Variants in COTL1 observed in about 807,000 individuals in gnomAD.
The protein encoded by COTL1 is coactosin like F-actin binding protein 1, also known as coactosin-like protein.
A neutral mutation model predicts 16.5 loss-of-function variants in COTL1; 15 were observed. The observed-to-expected ratio is 0.91, with a 90% CI of 0.61 to 1.40. The LOEUF (loss-of-function observed/expected upper bound fraction) is 1.40. Among genes scored for constraint, COTL1 ranks in the 40% most tolerant of loss-of-function variants. COTL1 has a pLI of 0.00. For missense variants in COTL1, 220 were observed against 201.5 expected (o/e 1.09, Z -0.56); for synonymous variants, 112 against 85.3 (o/e 1.31, Z -1.73).
chr16:84,600,391 C>G (rs1905084646), intron 2 of COTL1, among the ~76,000 whole-genome samples: 2 of 149,542 alleles, frequency 1.3e-5, no homozygotes, highest in Non-Finnish European at 3.0e-5. Context: ...CAGCTTACTG[C>G]AACCTCCGCC....
chr16:84,617,598 A>G lies in COTL1; in HGVS notation c.78-15T>C. The G allele has an allele frequency of 6.4e-7, 1 of 1,552,264 alleles. No individual in the cohort carries two copies. The highest frequency in any genetic ancestry group is 8.7e-7 in the Non-Finnish European group (1 of 1,147,012). ...TAAAAGTCACCCTTTGGGTTGGGAGAAGAAAAAAACACACACACACATCAG... is the reference window on the plus strand; with the variant it reads ...TAAAAGTCACCCTTTGGGTTGGGAGGAGAAAAAAACACACACACACATCAG... On this transcript the variant is annotated splice_polypyrimidine_tract_variant and intron_variant, in intron 1 of 3. Transcript: ENST00000262428.
intron 3 of COTL1, among the ~76,000 whole-genome samples, chr16:84,573,817 T>C (rs531796469): frequency 2.0e-5 from 3 of 151,436 alleles, no homozygotes; most frequent in Non-Finnish European, 4.4e-5. Context: ...ATTCCGAAGA[T>C]CTCTGCGTTT....
At chr16:84,574,610 G>C (rs1904410570) in intron 3 of COTL1, among the ~76,000 whole-genome samples, 1 of 152,164 alleles carries the variant, frequency 6.6e-6, no homozygotes, top group Non-Finnish European at 1.5e-5. Flanking sequence ...TTCTGAGACG[G>C]ACTCTCACTC....
intron 2 of COTL1, among the ~76,000 whole-genome samples, chr16:84,605,801 A>C (rs1204032982): frequency 6.6e-6 from 1 of 152,242 alleles, no homozygotes; most frequent in African/African-American, 2.4e-5. Flanking sequence ...GACTTGCAGA[A>C]CTATAAGATG....
chr16:84,588,092 A>G (rs1297133547), intron 3 of COTL1, among the ~76,000 whole-genome samples: 1 of 152,070 alleles, frequency 6.6e-6, no homozygotes, highest in Non-Finnish European at 1.5e-5. Flanking sequence ...TTTTTAAATA[A>G]AAGTTTTATT....
chr16:84,599,754 C>T (rs78280050), intron 2 of COTL1, among the ~76,000 whole-genome samples: 2,383 of 152,212 alleles, frequency 0.016, 26 homozygotes, highest in Non-Finnish European at 0.023. Context: ...TATGCAAACA[C>T]GGCTCAGGAA....
intron 3 of COTL1, chr16:84,568,658 T>TTATC (rs1215760345): frequency 6.6e-6 from 1 of 152,000 alleles, no homozygotes; most frequent in Non-Finnish European, 1.5e-5. Flanking sequence ...GAACAGGAAA[T>TTATC]GATAGAGACG....
intron 3 of COTL1, among the ~76,000 whole-genome samples, chr16:84,585,686 A>T (rs753702142): frequency 1.3e-5 from 2 of 152,202 alleles, no homozygotes; most frequent in African/African-American, 2.4e-5. Context: ...TAGGCATGCC[A>T]GTCTCTGCAT....
intron 3 of COTL1, among the ~76,000 whole-genome samples, chr16:84,581,154 C>T (rs1377747254): frequency 8.9e-4 from 67 of 75,416 alleles, no homozygotes; most frequent in African/African-American, 4.5e-3. Flanking sequence ...AACAAACAAA[C>T]AAACAAATAA....
chr16:84,569,319 CAAAA>C (rs903594404), intron 3 of COTL1, among the ~76,000 whole-genome samples: 38 of 151,904 alleles, frequency 2.5e-4, no homozygotes, highest in Admixed American at 2.1e-3. Flanking sequence ...AGATCTGTCT[CAAAA>C]TAAATAAATA....
chr16:84,612,770 A>G (rs987143347), intron 2 of COTL1, among the ~76,000 whole-genome samples: 12 of 152,118 alleles, frequency 7.9e-5, no homozygotes, highest in African/African-American at 2.7e-4. Flanking sequence ...AAAAAAAGAA[A>G]AGCAGTGGTA....
In COTL1 at chr16:84,566,969, G is replaced by A; in HGVS notation, c.319-14C>T. 1 of 1,579,126 alleles carries A rather than the reference G, an allele frequency of 6.3e-7. No homozygotes were observed. Among genetic ancestry groups the A allele is most frequent in the Non-Finnish European group, 8.7e-7 (1 of 1,148,372 alleles). Reference sequence around the variant, plus strand: ...CTTAGCGAAATTCTGCAAGAACAAAGGAAAACACAGCGTTCCTATTAAGAA... The same window carrying A: ...CTTAGCGAAATTCTGCAAGAACAAAAGAAAACACAGCGTTCCTATTAAGAA... On this transcript the variant is annotated splice_polypyrimidine_tract_variant and intron_variant, in intron 3 of 3. Transcript: ENST00000262428.
chr16:84,613,366 G>A (rs1019315730), intron 2 of COTL1, among the ~76,000 whole-genome samples: 3 of 152,206 alleles, frequency 2.0e-5, no homozygotes, highest in Non-Finnish European at 2.9e-5. Context: ...TAAGCTAGGT[G>A]GGTGGCTGAG....
At chr16:84,604,465 C>G (rs529085276) in intron 2 of COTL1, among the ~76,000 whole-genome samples, 2 of 151,900 alleles carry the variant, frequency 1.3e-5, no homozygotes, top group East Asian at 3.9e-4. Context: ...GTGGACATTT[C>G]AGTGGGTTTC....
intron 3 of COTL1, among the ~76,000 whole-genome samples, chr16:84,579,396 G>A (rs1225767859): frequency 6.6e-6 from 1 of 152,216 alleles, no homozygotes; most frequent in Non-Finnish European, 1.5e-5. Context: ...GCTGAGGCAG[G>A]AGAATCACTT....
chr16:84,597,285 G>A lies in COTL1; in HGVS notation c.161-7023C>T, dbSNP rs558686582. Among the ~76,000 whole-genome samples, 4 of 152,330 alleles carry A rather than the reference G, an allele frequency of 2.6e-5. No homozygotes were observed. The East Asian group carries it at 7.7e-4, about 29-fold the overall frequency. On this transcript the variant is annotated intron_variant, in intron 2 of 3. Coordinates refer to ENST00000262428, the MANE Select transcript of COTL1 (RefSeq NM_021149.5). ...TATGAGGGGCCAGTCCCCACTCTAAGAATCTGCACACTGCAGATTCTTCTC... is the reference window on the plus strand; with the variant it reads ...TATGAGGGGCCAGTCCCCACTCTAAAAATCTGCACACTGCAGATTCTTCTC...
chr16:84,608,138 G>C (rs898154249), intron 2 of COTL1, among the ~76,000 whole-genome samples: 1 of 151,994 alleles, frequency 6.6e-6, no homozygotes. Flanking sequence ...CCTAGACATA[G>C]AGCTCCATGC....
At chr16:84,605,980 C>A (rs1905204003) in intron 2 of COTL1, among the ~76,000 whole-genome samples, 1 of 152,136 alleles carries the variant, frequency 6.6e-6, no homozygotes, top group South Asian at 2.1e-4. Context: ...TACCTAAGTA[C>A]CTAGAAGACA....
At chr16:84,608,146 TGCTCTGGGTGTGGGTGG>T (rs1211161326) in intron 2 of COTL1, among the ~76,000 whole-genome samples, 5 of 152,054 alleles carry the variant, frequency 3.3e-5, no homozygotes, top group Non-Finnish European at 5.9e-5. Context: ...TAGAGCTCCA[TGCTCTGGGTGTGGGTGG>T]GCACCAGAAT....
Sources: allele counts gnomAD v4.1 joint callset (sites outside exome capture counted in the v4.1 genomes callset), GRCh38; gene constraint gnomAD v4.1.1; transcripts MANE v1.5; gene names NCBI Gene and HGNC (gene_info 2026-07-23, HGNC 2026-07-21).